Variants in ASXL3 observed in about 807,000 individuals in gnomAD.
ASXL3 encodes putative Polycomb group protein ASXL3.
In ASXL3, 34 loss-of-function variants were observed where a neutral mutation model predicts 170.6. That is an observed-to-expected ratio of 0.20 (90% CI 0.15 to 0.27). The LOEUF is 0.27. Ranked by LOEUF, ASXL3 falls within the 10% of genes least tolerant of loss-of-function variation. The pLI is 1.00. For synonymous variants in ASXL3, 1,002 were observed against 989.1 expected (o/e 1.01, Z -0.24); for missense variants, 2,592 against 2,695.3 (o/e 0.96, Z 0.85).
At chr18:33,578,784 GC>G in intron 1 of ASXL3, 99 bp downstream of exon 1, 1 of 734,610 alleles carries the variant, frequency 1.4e-6, no homozygotes, top group South Asian at 6.2e-5. Context: ...TCCAGCCCGA[GC>G]CGCCGCCCGC....
At chr18:33,693,537 A>C (rs1178426408) in intron 8 of ASXL3, among the ~76,000 whole-genome samples, 1 of 152,172 alleles carries the variant, frequency 6.6e-6, no homozygotes, top group Non-Finnish European at 1.5e-5. Flanking sequence ...AGTGTATGTA[A>C]GTGTCTGCTA....
At chr18:33,654,589 G>A (rs1267113106) in intron 4 of ASXL3, among the ~76,000 whole-genome samples, 3 of 151,956 alleles carry the variant, frequency 2.0e-5, no homozygotes, top group African/African-American at 7.2e-5. Flanking sequence ...TCTCCTTCCT[G>A]TCCACTTTTT....
chr18:33,682,195 C>G (rs2066525557), intron 7 of ASXL3, among the ~76,000 whole-genome samples: 1 of 152,164 alleles, frequency 6.6e-6, no homozygotes, highest in African/African-American at 2.4e-5. Context: ...AGCAGACATA[C>G]ACGACATATA....
intron 2 of ASXL3, among the ~76,000 whole-genome samples, chr18:33,633,007 G>A (rs1330947412): frequency 1.3e-5 from 2 of 152,030 alleles, no homozygotes; most frequent in Non-Finnish European, 2.9e-5. Context: ...TCTACTCCTC[G>A]CTCTGGAATC....
At chr18:33,613,049 A>G (rs1285809963) in intron 2 of ASXL3, among the ~76,000 whole-genome samples, 2 of 152,150 alleles carry the variant, frequency 1.3e-5, no homozygotes, top group Admixed American at 6.6e-5. Flanking sequence ...AAACAGAAAC[A>G]TAGGGCAATT....
chr18:33,614,314 C>G (rs1239124148), intron 2 of ASXL3: 5 of 152,082 alleles, frequency 3.3e-5, no homozygotes, highest in African/African-American at 1.2e-4. Flanking sequence ...AAGAAACTAC[C>G]TTCATTACAT....
intron 2 of ASXL3, 141 bp downstream of exon 2, chr18:33,607,817 C>T (rs2065272794): frequency 5.7e-6 from 4 of 699,694 alleles, no homozygotes; most frequent in South Asian, 3.9e-5. Context: ...ATTAAGAAAT[C>T]GTTGGATGAT....
intron 8 of ASXL3, among the ~76,000 whole-genome samples, chr18:33,719,795 A>G (rs1321964812): frequency 1.3e-5 from 2 of 152,008 alleles, no homozygotes; most frequent in East Asian, 3.9e-4. Flanking sequence ...GTGAACCAAG[A>G]AACAGGCCCT....
intron 7 of ASXL3, among the ~76,000 whole-genome samples, chr18:33,675,028 G>T (rs1209892633): frequency 6.6e-6 from 1 of 152,180 alleles, no homozygotes; most frequent in Non-Finnish European, 1.5e-5. Flanking sequence ...CCATTAAGTT[G>T]TTAACTCCTT....
chr18:33,648,215 C>A, intron 4 of ASXL3, among the ~76,000 whole-genome samples: 1 of 152,088 alleles, frequency 6.6e-6, no homozygotes, highest in Middle Eastern at 3.4e-3. Flanking sequence ...GAAAAAGATA[C>A]GAGAACAAGG....
intron 2 of ASXL3, among the ~76,000 whole-genome samples, chr18:33,638,357 C>G (rs1413427606): frequency 1.3e-5 from 2 of 152,030 alleles, no homozygotes; most frequent in African/African-American, 4.8e-5. Flanking sequence ...GCCACCATGC[C>G]TGGCCTCTAT....
chr18:33,736,582 A>T (rs978848726), intron 10 of ASXL3, among the ~76,000 whole-genome samples: 1 of 152,120 alleles, frequency 6.6e-6, no homozygotes, highest in Non-Finnish European at 1.5e-5. Context: ...GTGTCTAAAC[A>T]TTCATACTAG....
intron 1 of ASXL3, among the ~76,000 whole-genome samples, chr18:33,606,114 C>T (rs988497150): frequency 4.6e-5 from 7 of 151,882 alleles, no homozygotes; most frequent in African/African-American, 1.7e-4. Flanking sequence ...TTCTTTACAG[C>T]TCTATTATGC....
intron 2 of ASXL3, among the ~76,000 whole-genome samples, chr18:33,632,732 C>A (rs899844787): frequency 6.6e-6 from 1 of 152,122 alleles, no homozygotes; most frequent in Non-Finnish European, 1.5e-5. Flanking sequence ...AGTTCTCTGG[C>A]GAAGCTTGCT....
At chr18:33,640,862 C>T (rs968294417) in intron 2 of ASXL3, among the ~76,000 whole-genome samples, 40 of 151,540 alleles carry the variant, frequency 2.6e-4, no homozygotes, top group African/African-American at 9.7e-4. Flanking sequence ...TGTTTTTATG[C>T]TTTTGTTGTA....
chr18:33,746,751 C>G lies in ASXL3; in HGVS notation c.*156C>G. ...TATGGCATTATTTTCTTGCATTTCT[C>G]ATAAAGGGGAGGATGCATCCCAACT... On this transcript the variant is annotated 3_prime_UTR_variant, in exon 12 of 12. Coordinates refer to ENST00000269197, the MANE Select transcript of ASXL3 (RefSeq NM_030632.3). 1 of 1,243,544 alleles carries G rather than the reference C, an allele frequency of 8.0e-7. No homozygotes were observed. The highest frequency in any genetic ancestry group is 1.1e-6 in the Non-Finnish European group (1 of 934,984). The allele number at this position is 1,243,544 out of a possible 1,614,324, so 77.0% of individuals were successfully genotyped here.
At position 33,745,584 on chromosome 18, in the gene ASXL3, T is replaced by C; in HGVS notation, c.5736T>C (p.His1912=). Residue 1912 remains histidine, a synonymous_variant, in exon 12 of 12, where the codon CAT becomes CAC. Coordinates refer to ENST00000269197, the MANE Select transcript of ASXL3 (RefSeq NM_030632.3). Reference sequence around the variant, plus strand: ...GTAGCTTCCAGCAGAACCTATTTCATGTTGACAAGAATGGCGGCTTCCACA... The same window carrying C: ...GTAGCTTCCAGCAGAACCTATTTCACGTTGACAAGAATGGCGGCTTCCACA... ...PSCSFQQNLF[H]VDKNGGFHTD... is the part of the protein sequence containing the mutation. 1.2e-6 allele frequency: 2 copies of C among 1,613,936 alleles called. No individual in the cohort carries two copies. Among genetic ancestry groups the C allele is most frequent in the African/African-American group, 1.3e-5 (1 of 75,026 alleles).
Position 33,646,304 on chromosome 18 carries a change from G to A in ASXL3, c.306G>A (p.Leu102=), listed in dbSNP as rs1247022489. ...TGGATTTAGTCTGTGAATCTGAATT[G>A]GATGGTACAGATATGGCCGAGGCAA... ...GTLDLVCESE[L]DGTDMAEANA... The change falls in exon 4 of 12, where the codon TTG becomes TTA. Residue 102 remains leucine (L), a synonymous_variant. Coordinates refer to ENST00000269197, the MANE Select transcript of ASXL3 (RefSeq NM_030632.3). 1.9e-6 allele frequency: 3 copies of A among 1,611,294 alleles called. No individual in the cohort carries two copies. The highest frequency in any genetic ancestry group is 1.1e-5 in the South Asian group (1 of 91,002).
chr18:33,667,197 TA>T (rs1181137454), intron 5 of ASXL3, among the ~76,000 whole-genome samples: 3 of 152,182 alleles, frequency 2.0e-5, no homozygotes, highest in African/African-American at 7.2e-5. Flanking sequence ...ATGTCATGGC[TA>T]TGACAACACT....
Sources: allele counts gnomAD v4.1 joint callset (sites outside exome capture counted in the v4.1 genomes callset), GRCh38; gene constraint gnomAD v4.1.1; transcripts MANE v1.5; gene names NCBI Gene and HGNC (gene_info 2026-07-23, HGNC 2026-07-21).